The following SNTG1 variants were observed in gnomAD, a reference collection of about 807,000 sequenced individuals.
The protein encoded by SNTG1 is gamma-1-syntrophin.
SNTG1 carries 39 observed loss-of-function variants against 74.7 expected under a neutral mutation model. That is an observed-to-expected ratio of 0.52 (90% confidence interval 0.40 to 0.68). SNTG1 has a LOEUF of 0.68. Ranked by LOEUF, SNTG1 falls within the 30% of genes least tolerant of loss-of-function variation. The probability of loss-of-function intolerance (pLI) is 0.00; values close to 1 mark genes in which losing one functional copy is unlikely to be tolerated. For missense variants in SNTG1, 685 were observed against 609.5 expected (o/e 1.12, Z -1.30); for synonymous variants, 254 against 217.1 (o/e 1.17, Z -1.49).
intron 4 of SNTG1, among the ~76,000 whole-genome samples, chr8:50,415,971 A>T (rs1346197784): frequency 1.3e-5 from 2 of 152,116 alleles, no homozygotes; most frequent in Non-Finnish European, 2.9e-5. Flanking sequence ...AAAATGGAGA[A>T]TGTTCTGAGT....
At position 50,401,470 on chromosome 8, in the gene SNTG1, C is replaced by T. The variant is rs60478315; in HGVS notation, c.28-740C>T. Among the ~76,000 whole-genome samples, 1,382 of 152,260 alleles carry T rather than the reference C, an allele frequency of 9.1e-3. 27 individuals are homozygous for T. Among genetic ancestry groups the T allele is most frequent in the African/African-American group, 0.032 (1,310 of 41,546 alleles). ...AATTACCCAAAGTATATAAAGCAAACACATTGGATTAGGCATCAAAAATCT... is the reference window on the plus strand; with the variant it reads ...AATTACCCAAAGTATATAAAGCAAATACATTGGATTAGGCATCAAAAATCT... On this transcript the variant is annotated intron_variant, in intron 3 of 18. Coordinates refer to ENST00000642720, the MANE Select transcript of SNTG1 (RefSeq NM_018967.5).
chr8:50,643,636 T>C (rs2095087955), intron 13 of SNTG1, among the ~76,000 whole-genome samples: 1 of 152,230 alleles, frequency 6.6e-6, no homozygotes, highest in Non-Finnish European at 1.5e-5. Flanking sequence ...TGAAGCACTT[T>C]TTGAAATTTA....
chr8:50,075,394 T>C (rs577973941), intron 1 of SNTG1, among the ~76,000 whole-genome samples: 1 of 152,312 alleles, frequency 6.6e-6, no homozygotes, highest in South Asian at 2.1e-4. Flanking sequence ...ACTCTGTGTC[T>C]AGCTCTGGGT....
At chr8:50,089,710 C>G (rs1005297222) in intron 1 of SNTG1, among the ~76,000 whole-genome samples, 1 of 152,072 alleles carries the variant, frequency 6.6e-6, no homozygotes, top group Non-Finnish European at 1.5e-5. Flanking sequence ...CAATGAGATA[C>G]CATCTCACAC....
chr8:50,093,898 C>G (rs2079834973), intron 1 of SNTG1, among the ~76,000 whole-genome samples: 1 of 151,970 alleles, frequency 6.6e-6, no homozygotes, highest in African/African-American at 2.4e-5. Flanking sequence ...ATAGCAGATT[C>G]AAATAAAACT....
At chr8:50,369,359 G>C (rs1308289226) in intron 2 of SNTG1, among the ~76,000 whole-genome samples, 1 of 152,202 alleles carries the variant, frequency 6.6e-6, no homozygotes, top group Admixed American at 6.5e-5. Context: ...CAACTTGGGA[G>C]GCCAAGGCAG....
At chr8:50,327,572 A>G (rs567681466) in intron 2 of SNTG1, among the ~76,000 whole-genome samples, 51 of 152,228 alleles carry the variant, frequency 3.4e-4, no homozygotes, top group African/African-American at 1.2e-3. Context: ...GGTCTATTAT[A>G]AAAAACATAT....
chr8:50,749,604 A>T lies in SNTG1; in HGVS notation c.1285-2397A>T, dbSNP rs562661786. On this transcript the variant is annotated intron_variant, in intron 17 of 18. Transcript: ENST00000642720. ...TAGGCTGCCTCTCTTGTTGGGACCA[A>T]TGCAGCTCGTGACTAAAGTATAGCC... Among the ~76,000 whole-genome samples, 17 of 152,136 alleles carry T rather than the reference A, an allele frequency of 1.1e-4. No individual in the cohort carries two copies. The South Asian group carries it at 1.5e-3, about 13-fold the overall frequency.
At chr8:50,136,634 G>C (rs1178619627) in intron 1 of SNTG1, among the ~76,000 whole-genome samples, 1 of 152,154 alleles carries the variant, frequency 6.6e-6, no homozygotes, top group African/African-American at 2.4e-5. Context: ...TGATAGCCAG[G>C]TGGGCAATGC....
intron 17 of SNTG1, 105 bp from the exon 18 acceptor site, chr8:50,751,896 C>G: frequency 1.7e-6 from 1 of 583,576 alleles, no homozygotes; most frequent in Non-Finnish European, 2.9e-6. Context: ...GGACATAGTA[C>G]TAACTTTGTA....
At chr8:49,971,734 G>A (rs1811699083) in intron 1 of SNTG1, among the ~76,000 whole-genome samples, 2 of 152,212 alleles carry the variant, frequency 1.3e-5, no homozygotes, top group African/African-American at 2.4e-5. Context: ...GACAAACAGA[G>A]AGCCAAATCA....
At position 50,585,070 on chromosome 8, in the gene SNTG1, C is replaced by T. The variant is rs150311803; in HGVS notation, c.811-5809C>T. The stretch of plus-strand genomic sequence containing the variant: ...ATAGATAGAACTTACTTGTCTGCTA[C>T]CTGAAACAAGAACACAAGAAAACAA... On this transcript the variant is annotated intron_variant, in intron 12 of 18. Coordinates refer to ENST00000642720, the MANE Select transcript of SNTG1 (RefSeq NM_018967.5). Among the ~76,000 whole-genome samples the T allele has an allele frequency of 8.0e-3, 1,215 of 152,208 alleles. 15 individuals are homozygous for T. The highest frequency in any genetic ancestry group is 0.027 in the African/African-American group (1,109 of 41,536).
intron 2 of SNTG1, among the ~76,000 whole-genome samples, chr8:50,259,114 A>G (rs554301804): frequency 6.6e-6 from 1 of 152,316 alleles, no homozygotes; most frequent in Admixed American, 6.5e-5. Context: ...ATTGCCATGG[A>G]ATACTGAAGT....
At position 50,236,518 on chromosome 8, in the gene SNTG1, C is replaced by T. The variant is rs906048506; in HGVS notation, c.-28+63883C>T. Among the ~76,000 whole-genome samples, 13 of 146,716 alleles carry T rather than the reference C, an allele frequency of 8.9e-5. No homozygotes were observed. The East Asian group carries it at 2.7e-3, about 30-fold the overall frequency. On this transcript the variant is annotated intron_variant, in intron 2 of 18. Coordinates refer to ENST00000642720, the MANE Select transcript of SNTG1 (RefSeq NM_018967.5). ...CAGGCTGGAGTGCAGTGGCGCTATC[C>T]CGGCTCACTGCAAGCTCCACCTCCT...
At chr8:50,322,601 T>C (rs1254488477) in intron 2 of SNTG1, among the ~76,000 whole-genome samples, 2 of 152,176 alleles carry the variant, frequency 1.3e-5, no homozygotes, top group Non-Finnish European at 2.9e-5. Flanking sequence ...TCTCTGCTCT[T>C]ATTCCTTTGA....
At chr8:50,226,915 A>G (rs2085357755) in intron 2 of SNTG1, among the ~76,000 whole-genome samples, 1 of 152,186 alleles carries the variant, frequency 6.6e-6, no homozygotes, top group African/African-American at 2.4e-5. Context: ...ATTCACTATA[A>G]CACTTCATTT....
intron 1 of SNTG1, among the ~76,000 whole-genome samples, chr8:49,930,147 G>A (rs922090705): frequency 6.6e-5 from 10 of 151,798 alleles, no homozygotes; most frequent in Non-Finnish European, 1.0e-4. Context: ...TGGAGATGAG[G>A]ACAAAAAGAA....
intron 2 of SNTG1, among the ~76,000 whole-genome samples, chr8:50,260,398 A>T (rs1312563938): frequency 6.6e-6 from 1 of 152,130 alleles, no homozygotes; most frequent in African/African-American, 2.4e-5. Context: ...TCACTAAAAA[A>T]CAGAACTAAG....
In SNTG1 at chr8:50,474,209, C is replaced by T. The variant is rs559077883; in HGVS notation, c.363+23480C>T. Among the ~76,000 whole-genome samples, 40 of 152,006 alleles carry T rather than the reference C, an allele frequency of 2.6e-4. 1 individual carries two copies. The East Asian group carries it at 3.3e-3, about 13-fold the overall frequency. On this transcript the variant is annotated intron_variant, in intron 8 of 18. Coordinates refer to ENST00000642720, the MANE Select transcript of SNTG1 (RefSeq NM_018967.5). ...AACACCAAAAGCAATGGCAACACAA[C>T]CCAAAATTGACAAATGGGATCTAAT... is the stretch of plus-strand genomic sequence containing the variant.
Sources: gnomAD v4.1 joint callset for allele counts (sites outside exome capture counted in the v4.1 genomes callset) on GRCh38, gnomAD v4.1.1 for gene constraint, MANE v1.5 for transcripts, NCBI Gene and HGNC (gene_info 2026-07-23, HGNC 2026-07-21) for gene names.